Variants in RBFOX1 observed in about 807,000 individuals in gnomAD.
RBFOX1 encodes RNA binding protein fox-1 homolog 1.
In RBFOX1, 8 loss-of-function variants were observed where a neutral mutation model predicts 57.7. The observed-to-expected ratio is 0.14, with a 90% CI of 0.08 to 0.25. The LOEUF is 0.25. RBFOX1 is among the 10% of genes least tolerant of loss of function. RBFOX1 has a pLI of 1.00. For missense variants in RBFOX1, 611 were observed against 548.5 expected (o/e 1.11, Z -1.14); for synonymous variants, 326 against 222.4 (o/e 1.47, Z -4.15).
chr16:7,448,925 C>CTTTTTTTTTTT (rs1491185704), intron 4 of RBFOX1, among the ~76,000 whole-genome samples: 1 of 28,776 alleles, frequency 3.5e-5, no homozygotes, highest in African/African-American at 1.0e-4. Context: ...TTTCTTTCCC[C>CTTTTTTTTTTT]TGTTTTTTTT....
chr16:7,101,796 G>T (rs1226273065), intron 4 of RBFOX1, among the ~76,000 whole-genome samples: 1 of 152,190 alleles, frequency 6.6e-6, no homozygotes, highest in South Asian at 2.1e-4. Context: ...TTAGAATGTG[G>T]CAAATGCTCA....
intron 4 of RBFOX1, among the ~76,000 whole-genome samples, chr16:7,410,513 C>G (rs965739341): frequency 1.5e-4 from 23 of 152,140 alleles, no homozygotes; most frequent in Non-Finnish European, 4.4e-5. Context: ...GAAACCCGGT[C>G]TCTACTAAAA....
At chr16:7,274,339 G>A (rs1273369297) in intron 4 of RBFOX1, among the ~76,000 whole-genome samples, 2 of 152,146 alleles carry the variant, frequency 1.3e-5, no homozygotes, top group Non-Finnish European at 2.9e-5. Context: ...TGAGAGAACT[G>A]AAATTCAGAA....
intron 1 of RBFOX1, among the ~76,000 whole-genome samples, chr16:6,302,980 G>T (rs568259343): frequency 6.6e-6 from 1 of 152,168 alleles, no homozygotes; most frequent in Non-Finnish European, 1.5e-5. Flanking sequence ...TTATGTGGGG[G>T]TGTCTCTCAT....
chr16:6,527,948 G>C (rs1027907180), intron 2 of RBFOX1, among the ~76,000 whole-genome samples: 1 of 152,070 alleles, frequency 6.6e-6, no homozygotes, highest in African/African-American at 2.4e-5. Flanking sequence ...TTTTCCCATG[G>C]CATCGCTGAA....
At chr16:6,197,711 G>A (rs991763815) in intron 1 of RBFOX1, among the ~76,000 whole-genome samples, 1 of 151,698 alleles carries the variant, frequency 6.6e-6, no homozygotes, top group Non-Finnish European at 1.5e-5. Context: ...CATGTCATGG[G>A]GATTCGTTGT....
chr16:7,707,015 G>C (rs987218877), intron 14 of RBFOX1, among the ~76,000 whole-genome samples: 8 of 152,192 alleles, frequency 5.3e-5, no homozygotes, highest in African/African-American at 1.9e-4. Context: ...AAGGACTGAA[G>C]GGTGTCCCCA....
At chr16:7,462,683 T>C (rs1276377609) in intron 4 of RBFOX1, among the ~76,000 whole-genome samples, 1 of 152,200 alleles carries the variant, frequency 6.6e-6, no homozygotes, top group African/African-American at 2.4e-5. Context: ...CTCACTCAGC[T>C]TTGCCTGGTT....
chr16:5,789,495 T>G (rs933328362), intron 3 of RBFOX1, among the ~76,000 whole-genome samples: 4 of 152,108 alleles, frequency 2.6e-5, no homozygotes, highest in Non-Finnish European at 5.9e-5. Flanking sequence ...GGAGTCAAGT[T>G]TTAAGATGTT....
At chr16:7,605,253 A>G (rs1337546460) in intron 9 of RBFOX1, among the ~76,000 whole-genome samples, 2 of 152,198 alleles carry the variant, frequency 1.3e-5, no homozygotes, top group Non-Finnish European at 2.9e-5. Context: ...GTCTGAACTA[A>G]TATTTATTTT....
At chr16:5,768,735 C>A (rs902788523) in intron 3 of RBFOX1, among the ~76,000 whole-genome samples, 5 of 152,124 alleles carry the variant, frequency 3.3e-5, no homozygotes, top group Admixed American at 1.3e-4. Context: ...AACAGGAGGT[C>A]AGGCCAGCCT....
At chr16:5,821,750 C>A (rs74332473) in intron 3 of RBFOX1, among the ~76,000 whole-genome samples, 21,204 of 152,194 alleles carry the variant, frequency 0.14, 1,608 homozygotes, top group Non-Finnish European at 0.16. Context: ...AGTCCAAGGT[C>A]AAGGCACCAG....
chr16:7,559,579 T>A (rs2089798109), intron 5 of RBFOX1, among the ~76,000 whole-genome samples: 1 of 152,200 alleles, frequency 6.6e-6, no homozygotes, highest in Non-Finnish European at 1.5e-5. Context: ...CAAACCCTGA[T>A]ACACGAGACA....
chr16:6,483,810 G>T, intron 2 of RBFOX1: 1 of 1,362,488 alleles, frequency 7.3e-7, no homozygotes, highest in Non-Finnish European at 9.5e-7. Flanking sequence ...GTGCGCCTCC[G>T]GGGCTGCTGA....
intron 2 of RBFOX1, among the ~76,000 whole-genome samples, chr16:6,628,482 G>C (rs1404018594): frequency 6.6e-6 from 1 of 152,134 alleles, no homozygotes; most frequent in African/African-American, 2.4e-5. Context: ...CCAGCATTAA[G>C]ATGTTACAAT....
chr16:7,006,516 C>T (rs1459530332), intron 3 of RBFOX1, among the ~76,000 whole-genome samples: 1 of 152,002 alleles, frequency 6.6e-6, no homozygotes, highest in Non-Finnish European at 1.5e-5. Flanking sequence ...GTGATATGAT[C>T]ACAGCTCACT....
Position 6,708,793 on chromosome 16 carries a change from G to T in RBFOX1, c.-16+54143G>T, listed in dbSNP as rs145540460. ...GGGAAGGTGTTCATTTGTCTGCCCT[G>T]GCTGGGTGCACATTCTTACTCCCTG... is the stretch of plus-strand genomic sequence containing the variant. On this transcript the variant is annotated intron_variant, in intron 3 of 15. Coordinates refer to ENST00000550418, the MANE Select transcript of RBFOX1 (RefSeq NM_018723.4). Among the ~76,000 whole-genome samples the T allele has an allele frequency of 9.8e-3, 1,493 of 152,240 alleles. 18 individuals are homozygous for T. The highest frequency in any genetic ancestry group is 0.015 in the Non-Finnish European group (1,046 of 68,010).
intron 4 of RBFOX1, among the ~76,000 whole-genome samples, chr16:6,004,981 T>A (rs2060667595): frequency 6.6e-6 from 1 of 150,676 alleles, no homozygotes; most frequent in Non-Finnish European, 1.5e-5. Context: ...TCATGAAATT[T>A]GTTTTGTTGC....
At chr16:6,855,922 T>C (rs570467881) in intron 3 of RBFOX1, among the ~76,000 whole-genome samples, 20 of 150,734 alleles carry the variant, frequency 1.3e-4, no homozygotes, top group Non-Finnish European at 2.4e-4. Context: ...CTTCTTTCTT[T>C]ACTCATGCAC....
Sources: allele counts gnomAD v4.1 joint callset (sites outside exome capture counted in the v4.1 genomes callset), GRCh38; gene constraint gnomAD v4.1.1; transcripts MANE v1.5; gene names NCBI Gene and HGNC (gene_info 2026-07-23, HGNC 2026-07-21).